The following THSD7B variants were observed in gnomAD, a reference collection of about 807,000 sequenced individuals.
The protein encoded by THSD7B is thrombospondin type-1 domain-containing protein 7B.
THSD7B carries 138 observed loss-of-function variants against 213.6 expected under a neutral mutation model. That is an observed-to-expected ratio of 0.65 (90% CI 0.56 to 0.74). The LOEUF (loss-of-function observed/expected upper bound fraction) is 0.74, where lower values mean the gene tolerates loss of function less well. Among genes scored for constraint, THSD7B ranks in the 30% least tolerant of loss-of-function variants. The probability of loss-of-function intolerance (pLI) is 0.00; values close to 1 mark genes in which losing one functional copy is unlikely to be tolerated. For synonymous variants in THSD7B, 742 were observed against 687.0 expected (o/e 1.08, Z -1.25); for missense variants, 1,931 against 1,991.5 (o/e 0.97, Z 0.58).
intron 2 of THSD7B, among the ~76,000 whole-genome samples, chr2:137,017,765 C>G (rs542513440): frequency 6.6e-6 from 1 of 151,952 alleles, no homozygotes; most frequent in Non-Finnish European, 1.5e-5. Flanking sequence ...GTGGCTTTTT[C>G]AATTCTAATT....
intron 12 of THSD7B, among the ~76,000 whole-genome samples, chr2:137,397,087 G>T (rs60005569): frequency 6.8e-6 from 1 of 147,508 alleles, no homozygotes; most frequent in African/African-American, 2.5e-5. Flanking sequence ...TTCCTGAATA[G>T]AGCACACTGA....
chr2:137,244,154 A>G (rs563846655), intron 10 of THSD7B, among the ~76,000 whole-genome samples: 81 of 152,330 alleles, frequency 5.3e-4, no homozygotes, highest in African/African-American at 1.9e-3. Flanking sequence ...TGACTTTGGG[A>G]ATTTTAATCA....
chr2:137,171,037 C>A, intron 7 of THSD7B, 99 bp downstream of exon 7: 1 of 1,258,460 alleles, frequency 7.9e-7, no homozygotes, highest in Non-Finnish European at 1.1e-6. Context: ...GGAAGAGAAG[C>A]ACAGCCTTTC....
chr2:137,642,054 T>C (rs866260209), intron 20 of THSD7B, among the ~76,000 whole-genome samples: 1 of 152,218 alleles, frequency 6.6e-6, no homozygotes, highest in Non-Finnish European at 1.5e-5. Context: ...TATTTTGGTT[T>C]AATATTTGTA....
At position 137,672,089 on chromosome 2, in the gene THSD7B, T is replaced by TAAAG. The variant is rs979512290; in HGVS notation, c.4739+4230_4739+4233dup. 7.9e-5 allele frequency among the ~76,000 whole-genome samples: 12 copies of TAAAG among 152,270 alleles called. No individual in the cohort carries two copies. The East Asian group carries it at 2.1e-3, about 27-fold the overall frequency. On this transcript the variant is annotated intron_variant, in intron 27 of 27. Transcript: ENST00000409968. The stretch of plus-strand genomic sequence containing the variant: ...GGATTGTTTTAAAGCATGAATTTGA[T>TAAAG]AAAGATTTATTGAGCAAATATATAA...
At chr2:137,049,538 A>C (rs1042423201) in intron 2 of THSD7B, among the ~76,000 whole-genome samples, 1 of 152,176 alleles carries the variant, frequency 6.6e-6, no homozygotes, top group African/African-American at 2.4e-5. Flanking sequence ...CAAAAACAGA[A>C]ATAATAAACC....
intron 17 of THSD7B, among the ~76,000 whole-genome samples, chr2:137,581,278 CTTAAA>C (rs1435758016): frequency 2.8e-4 from 42 of 152,106 alleles, no homozygotes; most frequent in African/African-American, 1.0e-3. Flanking sequence ...CACATTAATT[CTTAAA>C]TTAAACTTTA....
chr2:137,418,909 C>G (rs1901797), intron 14 of THSD7B, among the ~76,000 whole-genome samples: 2 of 151,014 alleles, frequency 1.3e-5, no homozygotes, highest in Admixed American at 6.6e-5. Context: ...GTGTATATGT[C>G]TCACTTTTTT....
chr2:136,844,991 A>G (rs1682985018), intron 1 of THSD7B, among the ~76,000 whole-genome samples: 16 of 152,166 alleles, frequency 1.1e-4, no homozygotes, highest in Admixed American at 1.0e-3. Context: ...ATACCTAGTA[A>G]ATGTCTTGTG....
intron 1 of THSD7B, among the ~76,000 whole-genome samples, chr2:136,831,976 A>G (rs1051989025): frequency 6.6e-5 from 10 of 152,152 alleles, no homozygotes; most frequent in Admixed American, 6.6e-5. Flanking sequence ...CACCTAGCAA[A>G]TGTATTAGCT....
intron 15 of THSD7B, among the ~76,000 whole-genome samples, chr2:137,494,009 A>G (rs2105126196): frequency 6.6e-6 from 1 of 152,320 alleles, no homozygotes; most frequent in Non-Finnish European, 1.5e-5. Context: ...TTTTACTAGT[A>G]AATAAATTGA....
At chr2:136,808,909 A>G (rs1438126602) in intron 1 of THSD7B, among the ~76,000 whole-genome samples, 1 of 152,132 alleles carries the variant, frequency 6.6e-6, no homozygotes, top group African/African-American at 2.4e-5. Flanking sequence ...TTTAAGGTCT[A>G]TAAAAACCTT....
intron 12 of THSD7B, among the ~76,000 whole-genome samples, chr2:137,361,050 C>A (rs1460976079): frequency 6.6e-6 from 1 of 152,176 alleles, no homozygotes; most frequent in African/African-American, 2.4e-5. Flanking sequence ...GCAATATTTG[C>A]TATTCTGCAG....
intron 1 of THSD7B, among the ~76,000 whole-genome samples, chr2:136,824,981 T>G (rs1030131044): frequency 2.0e-5 from 3 of 152,232 alleles, no homozygotes; most frequent in African/African-American, 7.2e-5. Context: ...GGGGATGCCA[T>G]GAAACTGTTA....
At chr2:137,646,415 G>A (rs1274115424) in intron 21 of THSD7B, among the ~76,000 whole-genome samples, 1 of 149,262 alleles carries the variant, frequency 6.7e-6, no homozygotes, top group African/African-American at 2.5e-5. Context: ...GCCGAGGAGG[G>A]TGAATCACTT....
rs150727919 is a variant in THSD7B at position 137,153,254 on chromosome 2, G to A, written c.1370-6959G>A. On this transcript the variant is annotated intron_variant, in intron 5 of 27. Coordinates refer to ENST00000409968, the MANE Select transcript of THSD7B (RefSeq NM_001316349.2). ...TCCTGAGGAGTGTTTTTCTATCTTT[G>A]CCTATAGTGCTGTTACTCTTTATCA... is the stretch of plus-strand genomic sequence containing the variant. Among the ~76,000 whole-genome samples the A allele has an allele frequency of 2.2e-3, 335 of 151,744 alleles. 4 individuals are homozygous for A. The highest frequency in any genetic ancestry group is 7.6e-3 in the African/African-American group (315 of 41,378).
chr2:137,675,056 G>A (rs935253921), intron 27 of THSD7B, among the ~76,000 whole-genome samples: 1 of 151,748 alleles, frequency 6.6e-6, no homozygotes, highest in South Asian at 2.1e-4. Flanking sequence ...CACAATTTTA[G>A]CCATTAAGTG....
intron 2 of THSD7B, among the ~76,000 whole-genome samples, chr2:136,885,274 C>T (rs1397083592): frequency 3.3e-5 from 5 of 151,410 alleles, no homozygotes; most frequent in Admixed American, 1.3e-4. Context: ...TCGGTAGGTC[C>T]GATGTTAGTC....
chr2:137,295,060 T>C (rs1220056595), intron 12 of THSD7B, among the ~76,000 whole-genome samples: 2 of 152,082 alleles, frequency 1.3e-5, no homozygotes, highest in East Asian at 3.9e-4. Flanking sequence ...CTCCTTCCTC[T>C]CCCCCTGTAT....
Sources: gnomAD v4.1 joint callset for allele counts (sites outside exome capture counted in the v4.1 genomes callset) on GRCh38, gnomAD v4.1.1 for gene constraint, MANE v1.5 for transcripts, NCBI Gene and HGNC (gene_info 2026-07-23, HGNC 2026-07-21) for gene names.